PLCE1: variants seen among roughly 807,000 people sequenced by gnomAD.
PLCE1 encodes the protein phospholipase C epsilon 1.
In PLCE1, 119 loss-of-function variants were observed where a neutral mutation model predicts 242.8. That is an observed-to-expected ratio of 0.49 (90% CI 0.42 to 0.57). The LOEUF (loss-of-function observed/expected upper bound fraction) is 0.57, where lower values mean the gene tolerates loss of function less well. Among genes scored for constraint, PLCE1 ranks in the 20% least tolerant of loss-of-function variants. The probability of loss-of-function intolerance (pLI) is 0.00; values close to 1 mark genes in which losing one functional copy is unlikely to be tolerated. For synonymous variants in PLCE1, 945 were observed against 1,017.4 expected, an observed-to-expected ratio of 0.93 and a Z score of 1.35; for missense variants, 2,441 against 2,788.8, an observed-to-expected ratio of 0.88 and a Z score of 2.81.
intron 4 of PLCE1, among the ~76,000 whole-genome samples, chr10:94,179,706 G>A (rs2048247459): frequency 6.6e-6 from 1 of 151,196 alleles, no homozygotes; most frequent in African/African-American, 2.4e-5. Context: ...GGATTTCACT[G>A]TGTTGTCCAG....
chr10:94,289,917 A>G (rs938126249), intron 22 of PLCE1, among the ~76,000 whole-genome samples: 27 of 152,182 alleles, frequency 1.8e-4, no homozygotes, highest in African/African-American at 6.3e-4. Flanking sequence ...CTGTAACTTT[A>G]TATTTTATAA....
chr10:94,054,928 C>T (rs548012208), intron 2 of PLCE1, among the ~76,000 whole-genome samples: 4 of 148,848 alleles, frequency 2.7e-5, no homozygotes, highest in Non-Finnish European at 4.4e-5. Flanking sequence ...AGGAGAATGG[C>T]GTGAATCTGG....
At chr10:94,203,929 G>T (rs2049061360) in intron 4 of PLCE1, among the ~76,000 whole-genome samples, 1 of 152,178 alleles carries the variant, frequency 6.6e-6, no homozygotes, top group South Asian at 2.1e-4. Flanking sequence ...TAGTCTGAAA[G>T]TTTCTTCTAA....
At chr10:94,299,086 G>A (rs1240862050) in intron 24 of PLCE1, among the ~76,000 whole-genome samples, 1 of 152,224 alleles carries the variant, frequency 6.6e-6, no homozygotes, top group Non-Finnish European at 1.5e-5. Context: ...TTAAAACCAT[G>A]TTAGCGTCTT....
chr10:94,257,870 T>C (rs1415203492), intron 11 of PLCE1, among the ~76,000 whole-genome samples: 3 of 152,190 alleles, frequency 2.0e-5, no homozygotes, highest in Non-Finnish European at 4.4e-5. Context: ...TGTATACATA[T>C]GTAACAAACC....
intron 23 of PLCE1, among the ~76,000 whole-genome samples, chr10:94,295,622 A>G (rs186863223): frequency 6.6e-6 from 1 of 152,324 alleles, no homozygotes; most frequent in East Asian, 1.9e-4. Flanking sequence ...AAGGGCGTCT[A>G]GAATGGTGAA....
At chr10:94,143,715 TA>T (rs2047037631) in intron 3 of PLCE1, among the ~76,000 whole-genome samples, 1 of 152,236 alleles carries the variant, frequency 6.6e-6, no homozygotes, top group Non-Finnish European at 1.5e-5. Flanking sequence ...TAGATTTTGG[TA>T]ATTGAATTCT....
chr10:94,035,467 G>A (rs1051079125), intron 2 of PLCE1, among the ~76,000 whole-genome samples: 4 of 152,184 alleles, frequency 2.6e-5, no homozygotes, highest in Non-Finnish European at 5.9e-5. Context: ...CAAAAGGGAT[G>A]ATGCAAATTG....
At chr10:94,080,545 CT>C (rs2135228893) in intron 2 of PLCE1, among the ~76,000 whole-genome samples, 1 of 152,362 alleles carries the variant, frequency 6.6e-6, no homozygotes, top group South Asian at 2.1e-4. Context: ...CTGTACTTCT[CT>C]GGATTCCGAG....
At chr10:94,220,374 TTTTATATATATATATATATA>T (rs2049686107) in intron 4 of PLCE1, among the ~76,000 whole-genome samples, 1 of 38,398 alleles carries the variant, frequency 2.6e-5, no homozygotes, top group African/African-American at 8.7e-5. Flanking sequence ...AAACTAAACA[TTTTATATATATATATATATA>T]TATATATATA....
intron 4 of PLCE1, among the ~76,000 whole-genome samples, chr10:94,221,100 G>T (rs1042615895): frequency 1.2e-4 from 18 of 152,208 alleles, no homozygotes; most frequent in African/African-American, 4.1e-4. Flanking sequence ...CTAAGCCCCT[G>T]GGTGAGTTCT....
intron 2 of PLCE1, among the ~76,000 whole-genome samples, chr10:94,087,585 C>T (rs1346884690): frequency 2.0e-5 from 3 of 151,870 alleles, no homozygotes; most frequent in African/African-American, 4.8e-5. Flanking sequence ...TACAGGCGCA[C>T]ACCACCATGC....
chr10:94,036,576 C>T (rs1490416457), intron 2 of PLCE1, among the ~76,000 whole-genome samples: 5 of 152,114 alleles, frequency 3.3e-5, no homozygotes, highest in Non-Finnish European at 7.4e-5. Context: ...CCTCCTTCTC[C>T]TCCTCATAAG....
intron 3 of PLCE1, among the ~76,000 whole-genome samples, chr10:94,136,898 T>C (rs566372344): frequency 6.6e-6 from 1 of 152,286 alleles, no homozygotes; most frequent in South Asian, 2.1e-4. Context: ...GTTTGATACA[T>C]TAAGATCCTT....
At chr10:94,280,102 A>C in intron 20 of PLCE1, 191 bp downstream of exon 20, 1 of 621,690 alleles carries the variant, frequency 1.6e-6, no homozygotes, top group Non-Finnish European at 2.8e-6. Context: ...CAACACTTAC[A>C]GAAAGAAGAG....
chr10:94,048,566 C>T (rs1335434750), intron 2 of PLCE1, among the ~76,000 whole-genome samples: 4 of 150,724 alleles, frequency 2.7e-5, no homozygotes, highest in South Asian at 4.2e-4. Context: ...TTTAATTGGC[C>T]GTGTAGTTTT....
intron 29 of PLCE1, among the ~76,000 whole-genome samples, chr10:94,321,371 C>T (rs1046597514): frequency 6.6e-6 from 1 of 152,258 alleles, no homozygotes; most frequent in African/African-American, 2.4e-5. Context: ...CAGTGGCTCA[C>T]ACCTGTAACC....
intron 2 of PLCE1, among the ~76,000 whole-genome samples, chr10:94,111,928 C>T (rs1199454564): frequency 2.6e-5 from 4 of 152,110 alleles, no homozygotes; most frequent in Non-Finnish European, 5.9e-5. Context: ...TGTTGTTGAT[C>T]GTATCTTTGA....
At chr10:94,161,404 T>C (rs965531667) in intron 3 of PLCE1, among the ~76,000 whole-genome samples, 1 of 152,236 alleles carries the variant, frequency 6.6e-6, no homozygotes, top group Non-Finnish European at 1.5e-5. Context: ...GCTAGGTATT[T>C]AATTCTCTTT....
Sources: allele counts gnomAD v4.1 joint callset (sites outside exome capture counted in the v4.1 genomes callset), GRCh38; gene constraint gnomAD v4.1.1; transcripts MANE v1.5; gene names NCBI Gene and HGNC (gene_info 2026-07-23, HGNC 2026-07-21).